HAO1: variants seen among roughly 807,000 people sequenced by gnomAD.
HAO1 encodes the protein hydroxyacid oxidase 1, also known as 2-Hydroxyacid oxidase 1.
A neutral mutation model predicts 39.7 loss-of-function variants in HAO1; 34 were observed. That is an observed-to-expected ratio of 0.86 (90% CI 0.65 to 1.14). The LOEUF (loss-of-function observed/expected upper bound fraction) is 1.14, where lower values mean the gene tolerates loss of function less well. HAO1 is among the 50% of genes most tolerant of loss of function. HAO1 has a pLI of 0.00. For missense variants in HAO1, 479 were observed against 464.5 expected (o/e 1.03, Z -0.29); for synonymous variants, 172 against 173.2 (o/e 0.99, Z 0.05).
Position 7,895,225 on chromosome 20 carries a change from C to G in HAO1, c.722-1G>C, listed in dbSNP as rs750481341. On this transcript the variant is annotated splice_acceptor_variant, in intron 4 of 7. Transcript: ENST00000378789. LOFTEE classifies it high-confidence loss of function. ...TTAACAGCCTCCCTGGCATCATCAC[C>G]TGGAGAGAGTAAAACAAGCACCTTA... 2 of 1,597,120 alleles carry G rather than the reference C, an allele frequency of 1.3e-6. No homozygotes were observed. Among genetic ancestry groups the G allele is most frequent in the Admixed American group, 1.7e-5 (1 of 59,946 alleles).
At position 7,936,547 on chromosome 20, in the gene HAO1, T is replaced by TGTGTGTGTGC. The variant is rs751822933; in HGVS notation, c.138-1913_138-1912insGCACACACAC. ...GTGTGTGTGTGTGTGTGTGTGTGTG[T>TGTGTGTGTGC]TCGCGCGCGCGCGCGCGCGTGCGTG... On this transcript the variant is annotated intron_variant, in intron 1 of 7. Coordinates refer to ENST00000378789, the MANE Select transcript of HAO1 (RefSeq NM_017545.3). Among the ~76,000 whole-genome samples the TGTGTGTGTGC allele has an allele frequency of 8.8e-5, 12 of 136,738 alleles. 1 individual carries two copies. Among genetic ancestry groups the TGTGTGTGTGC allele is most frequent in the African/African-American group, 3.4e-4 (12 of 35,352 alleles). 89.7% of individuals were successfully genotyped at this position (136,738 alleles called of 152,430 possible). A position where few individuals can be genotyped will look rare whatever the true frequency, so the allele number is the denominator to read the frequency against.
At chr20:7,909,888 T>C (rs1199599568) in intron 3 of HAO1, among the ~76,000 whole-genome samples, 1 of 152,158 alleles carries the variant, frequency 6.6e-6, no homozygotes, top group Non-Finnish European at 1.5e-5. Context: ...CACTGATACA[T>C]GGGCCACCAG....
chr20:7,938,665 T>G (rs1380931295), intron 1 of HAO1, among the ~76,000 whole-genome samples: 1 of 152,098 alleles, frequency 6.6e-6, no homozygotes, highest in Non-Finnish European at 1.5e-5. Flanking sequence ...GCATCCTCTC[T>G]GAGACCTCCA....
intron 2 of HAO1, among the ~76,000 whole-genome samples, chr20:7,922,856 A>G (rs2050340854): frequency 6.6e-6 from 1 of 152,164 alleles, no homozygotes; most frequent in South Asian, 2.1e-4. Context: ...ATATAAAAAT[A>G]AATGAGATTA....
chr20:7,909,360 C>CATATATATACAT (rs2050264582), intron 3 of HAO1, among the ~76,000 whole-genome samples: 2 of 109,090 alleles, frequency 1.8e-5, no homozygotes, highest in African/African-American at 9.0e-5. Flanking sequence ...CGGATTATGA[C>CATATATATACAT]ATATATATAT....
At chr20:7,930,316 G>A (rs1483301974) in intron 2 of HAO1, among the ~76,000 whole-genome samples, 1 of 152,070 alleles carries the variant, frequency 6.6e-6, no homozygotes, top group Non-Finnish European at 1.5e-5. Context: ...TGCTTGAGAG[G>A]ATTTCCATAT....
At chr20:7,884,205 T>C (rs1778349115) in intron 7 of HAO1, among the ~76,000 whole-genome samples, 1 of 152,182 alleles carries the variant, frequency 6.6e-6, no homozygotes, top group Non-Finnish European at 1.5e-5. Context: ...TTTTAATGTG[T>C]ATTTATTTAT....
intron 2 of HAO1, among the ~76,000 whole-genome samples, chr20:7,918,541 C>G (rs1312791309): frequency 6.6e-6 from 1 of 152,180 alleles, no homozygotes; most frequent in Admixed American, 6.5e-5. Flanking sequence ...TTCAATATGT[C>G]ATCACTTCCT....
At chr20:7,926,832 T>C (rs2050361286) in intron 2 of HAO1, among the ~76,000 whole-genome samples, 1 of 152,018 alleles carries the variant, frequency 6.6e-6, no homozygotes, top group Non-Finnish European at 1.5e-5. Context: ...TAGCCTCTAA[T>C]TGCATCCAGG....
At chr20:7,895,596 A>G (rs2050193622) in intron 4 of HAO1, among the ~76,000 whole-genome samples, 1 of 147,406 alleles carries the variant, frequency 6.8e-6, no homozygotes, top group East Asian at 2.0e-4. Context: ...TGGATAGCCA[A>G]AAAAAAAAAA....
chr20:7,909,757 A>G (rs934721945), intron 3 of HAO1, among the ~76,000 whole-genome samples: 10 of 152,282 alleles, frequency 6.6e-5, no homozygotes, highest in African/African-American at 2.4e-4. Context: ...ATAATGCAAC[A>G]TTAAAGATAA....
At chr20:7,930,718 A>C (rs545892447) in intron 2 of HAO1, among the ~76,000 whole-genome samples, 8 of 152,304 alleles carry the variant, frequency 5.3e-5, no homozygotes, top group Non-Finnish European at 8.8e-5. Flanking sequence ...CTGAGCAAAG[A>C]GAGCTGAGGT....
chr20:7,910,206 G>A (rs1264493295), intron 3 of HAO1, among the ~76,000 whole-genome samples: 1 of 152,116 alleles, frequency 6.6e-6, no homozygotes, highest in East Asian at 1.9e-4. Flanking sequence ...ACAAAGTGTA[G>A]CAGAACATAA....
rs749171756 is a variant in HAO1, at chr20:7,909,360, C to CATATATATATATATATATATAT, written c.546-3032_546-3031insATATATATATATATATATATAT. On this transcript the variant is annotated intron_variant, in intron 3 of 7. Coordinates refer to ENST00000378789, the MANE Select transcript of HAO1 (RefSeq NM_017545.3). ...AATGCTATTTTTATTCGGATTATGACATATATATATATATATATGTATATA... is the reference window on the plus strand; with the variant it reads ...AATGCTATTTTTATTCGGATTATGACATATATATATATATATATATATATATATATATATATATATGTATATA... 5.4e-4 allele frequency among the ~76,000 whole-genome samples: 59 copies of CATATATATATATATATATATAT among 109,050 alleles called. 3 individuals are homozygous for CATATATATATATATATATATAT. The highest frequency in any genetic ancestry group is 1.9e-3 in the African/African-American group (41 of 22,152). 71.5% of individuals were successfully genotyped at this position (109,050 alleles called of 152,430 possible).
In HAO1 at chr20:7,940,455, C is replaced by A. The variant is rs141102234; in HGVS notation, c.-33G>T. On this transcript the variant is annotated 5_prime_UTR_variant, in exon 1 of 8. Coordinates refer to ENST00000378789, the MANE Select transcript of HAO1 (RefSeq NM_017545.3). The stretch of plus-strand genomic sequence containing the variant: ...GGTTATTGCTATCCCAGATGGAGTT[C>A]GTTGTTTTTTTTTTTTTAATGTATT... 2.0e-6 allele frequency: 3 copies of A among 1,532,162 alleles called. No individual in the cohort carries two copies. Among genetic ancestry groups the A allele is most frequent in the South Asian group, 2.5e-5 (2 of 81,098 alleles). 94.9% of individuals were successfully genotyped at this position (1,532,162 alleles called of 1,614,324 possible). A position where few individuals can be genotyped will look rare whatever the true frequency, so the allele number is the denominator to read the frequency against.
chr20:7,900,593 GC>G (rs2050217299), intron 4 of HAO1, among the ~76,000 whole-genome samples: 1 of 152,028 alleles, frequency 6.6e-6, no homozygotes, highest in South Asian at 2.1e-4. Context: ...ATGAACCATC[GC>G]CTTTAAAATG....
At chr20:7,937,411 A>G (rs924458908) in intron 1 of HAO1, among the ~76,000 whole-genome samples, 1 of 152,036 alleles carries the variant, frequency 6.6e-6, no homozygotes, top group Non-Finnish European at 1.5e-5. Context: ...CCTATTGTGG[A>G]TACTAGATAA....
chr20:7,901,428 C>T (rs1287198510), intron 4 of HAO1, among the ~76,000 whole-genome samples: 1 of 152,184 alleles, frequency 6.6e-6, no homozygotes, highest in East Asian at 1.9e-4. Flanking sequence ...CAAATCTACT[C>T]TGCCTGTGCT....
chr20:7,917,011 G>T (rs1238760695), intron 2 of HAO1, among the ~76,000 whole-genome samples: 1 of 152,104 alleles, frequency 6.6e-6, no homozygotes, highest in Non-Finnish European at 1.5e-5. Flanking sequence ...TGATTGCTTG[G>T]ATCAAAATCC....
Sources: gnomAD v4.1 joint callset for allele counts (sites outside exome capture counted in the v4.1 genomes callset) on GRCh38, gnomAD v4.1.1 for gene constraint, MANE v1.5 for transcripts, NCBI Gene and HGNC (gene_info 2026-07-23, HGNC 2026-07-21) for gene names.